The following DMD variants were observed in gnomAD, a reference collection of about 807,000 sequenced individuals.
DMD encodes dystrophin.
A neutral mutation model predicts 330.1 loss-of-function variants in DMD; 63 were observed. The observed-to-expected ratio is 0.19, with a 90% CI of 0.16 to 0.24. The LOEUF is 0.24. DMD is among the 10% of genes least tolerant of loss of function. DMD has a pLI of 1.00. For missense variants in DMD, 3,344 were observed against 2,684.1 expected, an observed-to-expected ratio of 1.25 and a Z score of -5.43; for synonymous variants, 1,223 against 959.8, an observed-to-expected ratio of 1.27 and a Z score of -5.07.
intron 26 of DMD, among the ~76,000 whole-genome samples, chrX:32,453,904 T>C (rs2098343843): frequency 9.0e-6 from 1 of 111,449 alleles, no homozygotes; most frequent in Admixed American, 9.5e-5. Flanking sequence ...ATAATAATTA[T>C]GATTATAGCT....
intron 1 of DMD, among the ~76,000 whole-genome samples, chrX:33,265,718 C>T (rs1470034658): frequency 9.0e-6 from 1 of 111,024 alleles, no homozygotes; most frequent in Non-Finnish European, 1.9e-5. Flanking sequence ...TTATATCATA[C>T]GTTCCAGGAT....
At chrX:31,361,436 C>T (rs988710204) in intron 60 of DMD, among the ~76,000 whole-genome samples, 1 of 110,968 alleles carries the variant, frequency 9.0e-6, no homozygotes, top group Admixed American at 9.6e-5. Flanking sequence ...ATGACTGCAG[C>T]TGAGACGAAT....
rs1259241111 is a variant in DMD at position 31,204,696 on chromosome X, C to A, written c.9650-578G>T. ...GCAGTGCAGTGGTGCGATCTCTGCT[C>A]ACCGCAACCTCTGCCTCCCGGGTTC... On this transcript the variant is annotated intron_variant, in intron 66 of 78. Transcript: ENST00000357033. Among the ~76,000 whole-genome samples the A allele has an allele frequency of 9.8e-5, 11 of 112,008 alleles. No homozygotes were observed. The Admixed American group carries it at 1.0e-3, about 11-fold the overall frequency.
At chrX:32,459,357 T>C (rs963132864) in intron 25 of DMD, among the ~76,000 whole-genome samples, 2 of 111,028 alleles carry the variant, frequency 1.8e-5, no homozygotes, top group Non-Finnish European at 3.8e-5. Flanking sequence ...TAAACAAAAA[T>C]AGATTCTCTT....
intron 48 of DMD, among the ~76,000 whole-genome samples, chrX:31,837,306 C>A (rs1263207285): frequency 9.0e-6 from 1 of 111,672 alleles, no homozygotes; most frequent in African/African-American, 3.2e-5. Context: ...AGGGTAAACA[C>A]TTAAAGCACA....
At chrX:31,220,415 A>G (rs1385489362) in intron 64 of DMD, among the ~76,000 whole-genome samples, 2 of 111,747 alleles carry the variant, frequency 1.8e-5, no homozygotes, top group Non-Finnish European at 3.8e-5. Flanking sequence ...GCTAAGTCCA[A>G]TGGGCATTTT....
chrX:32,607,657 G>A (rs2056841768), intron 12 of DMD, among the ~76,000 whole-genome samples: 1 of 110,195 alleles, frequency 9.1e-6, no homozygotes, highest in Admixed American at 9.7e-5. Flanking sequence ...TTGGATTTAC[G>A]GACATGCATT....
chrX:32,085,604 G>GTATATATATA (rs2096427675), intron 44 of DMD, among the ~76,000 whole-genome samples: 1 of 69,591 alleles, frequency 1.4e-5, no homozygotes, highest in Non-Finnish European at 2.6e-5. Flanking sequence ...ATGTATATAT[G>GTATATATATA]TGTATATATA....
intron 62 of DMD, among the ~76,000 whole-genome samples, chrX:31,298,344 G>T (rs1283539178): frequency 9.1e-6 from 1 of 110,394 alleles, no homozygotes. Flanking sequence ...AAAAACATAA[G>T]TGCTAGATAT....
chrX:32,162,590 CTTTTTTTTTTT>C (rs3040088), intron 44 of DMD, among the ~76,000 whole-genome samples: 3 of 43,241 alleles, frequency 6.9e-5, no homozygotes, highest in Non-Finnish European at 1.2e-4. Context: ...AAGCAACAAG[CTTTTTTTTTTT>C]TTTTTTTTTT....
chrX:31,995,336 CAT>C (rs1196998363), intron 44 of DMD, among the ~76,000 whole-genome samples: 1 of 111,780 alleles, frequency 8.9e-6, no homozygotes, highest in African/African-American at 3.2e-5. Flanking sequence ...AGATAACAAA[CAT>C]ATGTACAAGT....
At chrX:32,657,323 TA>T (rs1437317298) in intron 9 of DMD, among the ~76,000 whole-genome samples, 6 of 111,881 alleles carry the variant, frequency 5.4e-5, no homozygotes, top group Admixed American at 9.6e-5. Context: ...TAACCCAATA[TA>T]AAAGATTTCT....
chrX:32,162,424 T>C (rs374486320), intron 44 of DMD, among the ~76,000 whole-genome samples: 5 of 110,505 alleles, frequency 4.5e-5, no homozygotes, highest in African/African-American at 1.6e-4. Context: ...GAATGATTTA[T>C]CCTTATGTTC....
chrX:32,740,765 T>A (rs933208335), intron 7 of DMD, among the ~76,000 whole-genome samples: 1 of 111,321 alleles, frequency 9.0e-6, no homozygotes, highest in East Asian at 2.9e-4. Context: ...GGACACTGTT[T>A]TAAGTACTTC....
chrX:31,894,493 G>A (rs1429010312), intron 47 of DMD, among the ~76,000 whole-genome samples: 2 of 111,890 alleles, frequency 1.8e-5, no homozygotes, highest in African/African-American at 3.2e-5. Context: ...GGGAACCACC[G>A]CTTTGAGAAA....
chrX:32,123,244 A>ATATATATATATATAT (rs1569544914), intron 44 of DMD, among the ~76,000 whole-genome samples: 1 of 42,715 alleles, frequency 2.3e-5, no homozygotes, highest in Admixed American at 2.6e-4. Context: ...TATATATATA[A>ATATATATATATATAT]ATGATCAAAA....
intron 55 of DMD, among the ~76,000 whole-genome samples, chrX:31,590,794 C>G (rs757914929): frequency 3.9e-4 from 44 of 111,549 alleles, no homozygotes; most frequent in African/African-American, 1.3e-3. Flanking sequence ...AAAAGAATAT[C>G]CACCATTCTT....
chrX:32,878,581 C>T (rs2083577355), intron 2 of DMD, among the ~76,000 whole-genome samples: 1 of 111,413 alleles, frequency 9.0e-6, no homozygotes, highest in South Asian at 3.8e-4. Context: ...ATCTGTATTA[C>T]TTTAGAAAAT....
At chrX:33,177,571 A>G (rs1037289802) in intron 1 of DMD, among the ~76,000 whole-genome samples, 1 of 110,587 alleles carries the variant, frequency 9.0e-6, no homozygotes, top group Non-Finnish European at 1.9e-5. Flanking sequence ...TTTTTAGTAG[A>G]GACGGGGTTT....
Sources: gnomAD v4.1 joint callset for allele counts (sites outside exome capture counted in the v4.1 genomes callset) on GRCh38, gnomAD v4.1.1 for gene constraint, MANE v1.5 for transcripts, NCBI Gene and HGNC (gene_info 2026-07-23, HGNC 2026-07-21) for gene names.